The following HERC2 variants were observed in gnomAD, a reference collection of about 807,000 sequenced individuals.
HERC2 encodes HECT and RLD domain containing E3 ubiquitin protein ligase 2.
Under a neutral mutation model 537.7 loss-of-function variants are expected in HERC2, and 102 were observed. The observed-to-expected ratio is 0.19, with a 90% CI of 0.16 to 0.22. The LOEUF is 0.22. Ranked by LOEUF, HERC2 falls within the 10% of genes least tolerant of loss-of-function variation. HERC2 has a pLI of 1.00. For synonymous variants in HERC2, 2,224 were observed against 2,466.2 expected, an observed-to-expected ratio of 0.90 and a Z score of 2.91; for missense variants, 4,236 against 6,198.2, an observed-to-expected ratio of 0.68 and a Z score of 10.63.
chr15:28,206,706 G>A (rs767345028), intron 44 of HERC2, among the ~76,000 whole-genome samples: 19 of 151,118 alleles, frequency 1.3e-4, no homozygotes, highest in East Asian at 3.9e-4. Flanking sequence ...GGTGGCGGGC[G>A]CCTGTAGTCC....
rs151256890 is a variant in HERC2, at chr15:28,174,458, G to A, written c.9994C>T (p.Pro3332Ser). Residue 3332 changes from proline (P) to serine (S), a missense_variant, in exon 65 of 93, where the codon CCC becomes TCC. Physicochemically the swap from Pro to Ser is moderately conservative, Grantham distance 74. This residue lies in a region of HERC2 where 93 missense variants were observed against 265.1 expected (regional missense o/e 0.35). Transcript: ENST00000261609. ...AAGAGGACGGGCTCGTGGACAGAGGGCGTGGCCACATCCACAGTTGTCCAC... is the reference window on the plus strand; with the variant it reads ...AAGAGGACGGGCTCGTGGACAGAGGACGTGGCCACATCCACAGTTGTCCAC... ...VAWTTVDVAT[P>S]SVHEPVLFQT... The A allele has an allele frequency of 1.0e-3, 1,638 of 1,613,692 alleles. 6 individuals carry two copies. In the African/African-American group the frequency reaches 0.02, roughly 20 times the overall value.
intron 5 of HERC2, among the ~76,000 whole-genome samples, chr15:28,276,475 A>T (rs879099361): frequency 1.3e-5 from 2 of 152,188 alleles, no homozygotes; most frequent in Admixed American, 1.3e-4. Context: ...TACAAGAGAA[A>T]GCACATGGGC....
chr15:28,200,047 G>A (rs150928831), intron 48 of HERC2, among the ~76,000 whole-genome samples: 9 of 152,218 alleles, frequency 5.9e-5, no homozygotes, highest in African/African-American at 2.2e-4. Context: ...AGTCATTAAG[G>A]TAAAATCAGG....
At chr15:28,259,375 G>A (rs1207411006) in intron 16 of HERC2, among the ~76,000 whole-genome samples, 3 of 152,092 alleles carry the variant, frequency 2.0e-5, no homozygotes, top group Non-Finnish European at 2.9e-5. Flanking sequence ...GATTACAGGC[G>A]TGAGCCACTG....
chr15:28,218,946 G>T (rs1469240697), intron 37 of HERC2, among the ~76,000 whole-genome samples: 1 of 151,750 alleles, frequency 6.6e-6, no homozygotes, highest in East Asian at 1.9e-4. Flanking sequence ...CTCCCACCTC[G>T]ACCTCCCAAA....
chr15:28,257,327 TC>T, intron 16 of HERC2, 66 bp from the exon 17 acceptor site: 8 of 1,387,758 alleles, frequency 5.8e-6, no homozygotes, highest in Non-Finnish European at 8.1e-6. Flanking sequence ...TCCACAGGAG[TC>T]ACCAGCGTGT....
intron 21 of HERC2, among the ~76,000 whole-genome samples, chr15:28,247,502 C>A (rs1457544555): frequency 7.0e-6 from 1 of 143,620 alleles, no homozygotes; most frequent in Non-Finnish European, 1.5e-5. Flanking sequence ...GATCTCGGCT[C>A]ACTGCAACCT....
At chr15:28,126,311 T>C (rs1005133750) in intron 83 of HERC2, among the ~76,000 whole-genome samples, 2 of 152,156 alleles carry the variant, frequency 1.3e-5, no homozygotes, top group African/African-American at 2.4e-5. Context: ...CGCTCCACTA[T>C]GGAAAAGTAT....
chr15:28,192,069 G>C lies in HERC2; in HGVS notation c.8343C>G (p.Ser2781Arg). 1 of 1,613,978 alleles carries C rather than the reference G, an allele frequency of 6.2e-7. No individual in the cohort carries two copies. Among genetic ancestry groups the C allele is most frequent in the Non-Finnish European group, 8.5e-7 (1 of 1,179,944 alleles). Residue 2781 changes from serine (S) to arginine (R), a missense_variant, in exon 53 of 93, where the codon AGC becomes AGG. By Grantham distance (110) the Ser-to-Arg change is moderately radical (BLOSUM62 -1). This residue lies in a region of HERC2 where 606 missense variants were observed against 884.5 expected (regional missense o/e 0.69). Coordinates refer to ENST00000261609, the MANE Select transcript of HERC2 (RefSeq NM_004667.6). ...TCAGGCTCTTCACCATGCGGGACCA[G>C]CTGTCCAGCAGCATGCCTGGCTGGC... ...HSSQPGMLLD[S>R]WSRMVKSLNV...
At chr15:28,284,283 T>C (rs2076097612) in intron 4 of HERC2, among the ~76,000 whole-genome samples, 1 of 151,240 alleles carries the variant, frequency 6.6e-6, no homozygotes, top group Non-Finnish European at 1.5e-5. Flanking sequence ...TAAAATAGAA[T>C]GCTAAAAATG....
Position 28,177,234 on chromosome 15 carries a change from G to C in HERC2, c.9255-107C>G. Reference sequence around the variant, plus strand: ...ACATGTAGTCAACACAGGATCCACAGATCAACTATCAAAACTTAAAGCAGA... The same window carrying C: ...ACATGTAGTCAACACAGGATCCACACATCAACTATCAAAACTTAAAGCAGA... On this transcript the variant is annotated intron_variant, in intron 60 of 92. Transcript: ENST00000261609. The surrounding 1 kb of genome is among the most constrained non-coding windows in gnomAD (Gnocchi z 5.0). The C allele has an allele frequency of 2.3e-6, 3 of 1,280,812 alleles. No homozygotes were observed. Among genetic ancestry groups the C allele is most frequent in the Non-Finnish European group, 3.3e-6 (3 of 919,008 alleles). 79.3% of individuals were successfully genotyped at this position (1,280,812 alleles called of 1,614,324 possible). A position where few individuals can be genotyped will look rare whatever the true frequency, so the allele number is the denominator to read the frequency against.
intron 23 of HERC2, among the ~76,000 whole-genome samples, chr15:28,242,493 A>C (rs1221644121): frequency 6.6e-6 from 1 of 152,180 alleles, no homozygotes; most frequent in Non-Finnish European, 1.5e-5. Context: ...GTTGCATGGG[A>C]CCTATCTTCT....
Position 28,274,275 on chromosome 15 carries a change from A to G in HERC2, c.800+16T>C. 6.2e-7 allele frequency: 1 copy of G among 1,613,586 alleles called. No homozygotes were observed. Among genetic ancestry groups the G allele is most frequent in the Non-Finnish European group, 8.5e-7 (1 of 1,179,582 alleles). On this transcript the variant is annotated intron_variant, in intron 7 of 92. Coordinates refer to ENST00000261609, the MANE Select transcript of HERC2 (RefSeq NM_004667.6). ...CAGCTGTCTGCGTGCAGAAGGCAAG[A>G]AAGGAAAGAACTCACCCCGTCACGA... is the stretch of plus-strand genomic sequence containing the variant.
At position 28,113,320 on chromosome 15, in the gene HERC2, C is replaced by T. The variant is rs774292037; in HGVS notation, c.14020-37G>A. ...TGTCTGTCAGGGCCGCGTGATGCTTCCCACCCTGGCATTTCCGCAAGACTC... is the reference window on the plus strand; with the variant it reads ...TGTCTGTCAGGGCCGCGTGATGCTTTCCACCCTGGCATTTCCGCAAGACTC... On this transcript the variant is annotated intron_variant, in intron 91 of 92. Coordinates refer to ENST00000261609, the MANE Select transcript of HERC2 (RefSeq NM_004667.6). This position sits in a 1 kb window ranked among gnomAD's most constrained non-coding sequence, Gnocchi z 7.0. 4 of 1,591,532 alleles carry T rather than the reference C, an allele frequency of 2.5e-6. No individual in the cohort carries two copies. In the South Asian group the frequency reaches 3.3e-5, roughly 13 times the overall value.
At chr15:28,259,500 C>G (rs560273491) in intron 16 of HERC2, among the ~76,000 whole-genome samples, 1 of 152,100 alleles carries the variant, frequency 6.6e-6, no homozygotes, top group African/African-American at 2.4e-5. Context: ...TGAAAAAGGA[C>G]GGAACACATG....
At chr15:28,295,916 C>G (rs1221522907) in intron 3 of HERC2, among the ~76,000 whole-genome samples, 1 of 151,988 alleles carries the variant, frequency 6.6e-6, no homozygotes, top group Non-Finnish European at 1.5e-5. Flanking sequence ...CCACTGAGAC[C>G]TTAAAATATT....
chr15:28,195,440 G>A (rs1369830667), intron 52 of HERC2, among the ~76,000 whole-genome samples: 5 of 152,030 alleles, frequency 3.3e-5, no homozygotes, highest in Admixed American at 2.0e-4. Flanking sequence ...CAGCCTGGGC[G>A]ACAGACTGAG....
intron 70 of HERC2, among the ~76,000 whole-genome samples, chr15:28,150,373 G>T (rs1418934675): frequency 2.2e-5 from 3 of 133,606 alleles, no homozygotes; most frequent in African/African-American, 8.6e-5. Flanking sequence ...GAGAACAGCC[G>T]AATGAACCCA....
rs752511711 is a variant in HERC2 at position 28,113,023 on chromosome 15, C to T, written c.14232+48G>A. On this transcript the variant is annotated intron_variant, in intron 92 of 92. Coordinates refer to ENST00000261609, the MANE Select transcript of HERC2 (RefSeq NM_004667.6). This position sits in a 1 kb window ranked among gnomAD's most constrained non-coding sequence, Gnocchi z 7.0. ...TGTGGGTGAGGAGCCAGCCACCCAC[C>T]GTCGGCCGACATCAGCCCAGGGCCG... 16 of 1,518,970 alleles carry T rather than the reference C, an allele frequency of 1.1e-5. No homozygotes were observed. The highest frequency in any genetic ancestry group is 1.4e-5 in the Non-Finnish European group (15 of 1,105,516). 94.1% of individuals were successfully genotyped at this position (1,518,970 alleles called of 1,614,324 possible).
Sources: gnomAD v4.1 joint callset for allele counts (sites outside exome capture counted in the v4.1 genomes callset) on GRCh38, gnomAD v4.1.1 for gene constraint, gnomAD v4.1.1 regional missense constraint, Gnocchi (gnomAD v3.1) non-coding constraint, MANE v1.5 for transcripts, NCBI Gene and HGNC (gene_info 2026-07-23, HGNC 2026-07-21) for gene names.